The following USP6NL variants were observed in gnomAD, a reference collection of about 807,000 sequenced individuals.
USP6NL encodes the protein USP6 N-terminal like.
A neutral mutation model predicts 61.9 loss-of-function variants in USP6NL; 26 were observed. The ratio of observed to expected loss-of-function variants is 0.42; its 90% CI spans 0.31 to 0.58. USP6NL has a LOEUF of 0.58. USP6NL is among the 20% of genes least tolerant of loss of function. The probability of loss-of-function intolerance (pLI) is 0.16; values close to 1 mark genes in which losing one functional copy is unlikely to be tolerated. For synonymous variants in USP6NL, 432 were observed against 390.1 expected, an observed-to-expected ratio of 1.11 and a Z score of -1.27; for missense variants, 1,114 against 1,034.3, an observed-to-expected ratio of 1.08 and a Z score of -1.06.
intron 2 of USP6NL, among the ~76,000 whole-genome samples, chr10:11,576,321 C>T (rs1319350727): frequency 6.6e-6 from 1 of 152,204 alleles, no homozygotes; most frequent in African/African-American, 2.4e-5. Flanking sequence ...TGGATCTTCT[C>T]ACTTCAGTAT....
intron 2 of USP6NL, among the ~76,000 whole-genome samples, chr10:11,555,326 A>C (rs1274836248): frequency 6.8e-6 from 1 of 147,766 alleles, no homozygotes; most frequent in Non-Finnish European, 1.5e-5. Flanking sequence ...GAGGCAGAAG[A>C]ATAGACTGAA....
intron 6 of USP6NL, among the ~76,000 whole-genome samples, chr10:11,501,641 C>A (rs570454965): frequency 1.3e-5 from 2 of 152,266 alleles, no homozygotes; most frequent in South Asian, 2.1e-4. Context: ...CCCAAAATAT[C>A]CTCATGGATT....
Position 11,548,260 on chromosome 10 carries a change from A to G in USP6NL, c.5-20693T>C, listed in dbSNP as rs1836356524. Among the ~76,000 whole-genome samples, 1 of 152,208 alleles carries G rather than the reference A, an allele frequency of 6.6e-6. No individual in the cohort carries two copies. Among genetic ancestry groups the G allele is most frequent in the Non-Finnish European group, 1.5e-5 (1 of 68,034 alleles). ...AGTCCCCTTTGAAATTTGATGCCCCAAATTCAACATGATACCCCGGAAAAG... is the reference window on the plus strand; with the variant it reads ...AGTCCCCTTTGAAATTTGATGCCCCGAATTCAACATGATACCCCGGAAAAG... On this transcript the variant is annotated intron_variant, in intron 2 of 14. Transcript: ENST00000609104. The surrounding 1 kb of genome is among the most constrained non-coding windows in gnomAD (Gnocchi z 4.3).
At chr10:11,521,320 T>C (rs546088538) in intron 4 of USP6NL, among the ~76,000 whole-genome samples, 6 of 147,364 alleles carry the variant, frequency 4.1e-5, no homozygotes, top group African/African-American at 1.5e-4. Flanking sequence ...ATATTTTTAT[T>C]ATATATAAAA....
chr10:11,506,440 G>A (rs867089702), intron 6 of USP6NL, among the ~76,000 whole-genome samples: 3 of 152,030 alleles, frequency 2.0e-5, no homozygotes, highest in African/African-American at 7.3e-5. Flanking sequence ...CCAGGAATTC[G>A]AGACCAGCCT....
chr10:11,570,220 T>A (rs1342590942), intron 2 of USP6NL, among the ~76,000 whole-genome samples: 4 of 152,232 alleles, frequency 2.6e-5, no homozygotes, highest in Non-Finnish European at 5.9e-5. Flanking sequence ...TCTATTATAA[T>A]GCCTGTCATA....
In USP6NL at chr10:11,555,449, T is replaced by TAGAG. The variant is rs1167547855; in HGVS notation, c.5-27883_5-27882insCTCT. Among the ~76,000 whole-genome samples the TAGAG allele has an allele frequency of 1.1e-3, 82 of 73,116 alleles. No individual in the cohort carries two copies. In the East Asian group the frequency reaches 0.021, roughly 19 times the overall value. The allele number at this position is 73,116 out of a possible 152,430, so 48.0% of individuals were successfully genotyped here. On this transcript the variant is annotated intron_variant, in intron 2 of 14. Coordinates refer to ENST00000609104, the MANE Select transcript of USP6NL (RefSeq NM_014688.5). ...AAAAAAAAAAATATATATATATATA[T>TAGAG]ATAGAGAGAGAGAGAGAGAGAAAGA...
At chr10:11,466,913 A>G (rs1225388081) in intron 14 of USP6NL, among the ~76,000 whole-genome samples, 4 of 152,264 alleles carry the variant, frequency 2.6e-5, no homozygotes, top group Non-Finnish European at 5.9e-5. Context: ...TCACAGGGCC[A>G]GCATTCTATA....
chr10:11,537,116 T>C lies in USP6NL; in HGVS notation c.5-9549A>G, dbSNP rs1009973399. On this transcript the variant is annotated intron_variant, in intron 2 of 14. Transcript: ENST00000609104. The surrounding 1 kb of genome is among the most constrained non-coding windows in gnomAD (Gnocchi z 5.1). ...TCCTCCAGGTTTTGTTTTTGGGGGA[T>C]TTTGTTTGTTTTGAGACAAGGTCTC... Among the ~76,000 whole-genome samples, 12 of 150,284 alleles carry C rather than the reference T, an allele frequency of 8.0e-5. No individual in the cohort carries two copies. Among genetic ancestry groups the C allele is most frequent in the African/African-American group, 2.9e-4 (12 of 41,470 alleles).
Position 11,476,996 on chromosome 10 carries a change from C to T in USP6NL, c.1078+4774G>A, listed in dbSNP as rs907478502. Among the ~76,000 whole-genome samples the T allele has an allele frequency of 6.6e-6, 1 of 152,154 alleles. No individual in the cohort carries two copies. The highest frequency in any genetic ancestry group is 1.5e-5 in the Non-Finnish European group (1 of 68,028). On this transcript the variant is annotated intron_variant, in intron 14 of 14. Transcript: ENST00000609104. The surrounding 1 kb of genome is among the most constrained non-coding windows in gnomAD (Gnocchi z 4.3). ...AAGCAATCCTCCTGCCTCAGCCTCCCGAGTAGTTGGGATTACAGGCACCTG... is the reference window on the plus strand; with the variant it reads ...AAGCAATCCTCCTGCCTCAGCCTCCTGAGTAGTTGGGATTACAGGCACCTG...
intron 2 of USP6NL, among the ~76,000 whole-genome samples, chr10:11,568,846 T>C (rs1467327717): frequency 6.6e-6 from 1 of 152,200 alleles, no homozygotes; most frequent in Non-Finnish European, 1.5e-5. Context: ...AGGTGACAAC[T>C]GTCTCAGAAG....
chr10:11,532,229 T>G lies in USP6NL; in HGVS notation c.5-4662A>C. ...TGGGAATTAACAACAGCTTCAGTCC[T>G]CATAGAGTAACTTATCTATTCCAAG... is the stretch of plus-strand genomic sequence containing the variant. On this transcript the variant is annotated intron_variant, in intron 2 of 14. Transcript: ENST00000609104. The surrounding 1 kb of genome is among the most constrained non-coding windows in gnomAD (Gnocchi z 4.1). The G allele has an allele frequency of 6.2e-7, 1 of 1,602,302 alleles. No homozygotes were observed. Among genetic ancestry groups the G allele is most frequent in the Non-Finnish European group, 8.5e-7 (1 of 1,173,988 alleles).
chr10:11,599,284 T>C (rs1202766380), intron 1 of USP6NL, among the ~76,000 whole-genome samples: 2 of 152,234 alleles, frequency 1.3e-5, no homozygotes, highest in African/African-American at 4.8e-5. Flanking sequence ...AATTTATACT[T>C]GTAGAGTCTA....
rs534121826 is a variant in USP6NL at position 11,537,950 on chromosome 10, T to C, written c.5-10383A>G. 1.9e-4 allele frequency among the ~76,000 whole-genome samples: 29 copies of C among 152,322 alleles called. No individual in the cohort carries two copies. The South Asian group carries it at 4.6e-3, about 24-fold the overall frequency. ...AAAAGATCAACAGTGTCGATATAAT[T>C]GGTAGGTTGCTTGTTTTGTTTTTGT... On this transcript the variant is annotated intron_variant, in intron 2 of 14. Coordinates refer to ENST00000609104, the MANE Select transcript of USP6NL (RefSeq NM_014688.5). This position sits in a 1 kb window ranked among gnomAD's most constrained non-coding sequence, Gnocchi z 5.1.
At chr10:11,594,074 T>A (rs1838242393) in intron 2 of USP6NL, among the ~76,000 whole-genome samples, 2 of 152,200 alleles carry the variant, frequency 1.3e-5, no homozygotes, top group South Asian at 4.1e-4. Context: ...TATATTGCTA[T>A]TTTTTAGCCT....
chr10:11,548,680 T>C lies in USP6NL; in HGVS notation c.5-21113A>G, dbSNP rs1352989596. ...GACCCACTGGCAAAGACTTTCATTC[T>C]GATAAACATCAACAAATTAATTTAA... On this transcript the variant is annotated intron_variant, in intron 2 of 14. Transcript: ENST00000609104. The surrounding 1 kb of genome is among the most constrained non-coding windows in gnomAD (Gnocchi z 4.3). Among the ~76,000 whole-genome samples the C allele has an allele frequency of 1.3e-5, 2 of 152,206 alleles. No homozygotes were observed. Among genetic ancestry groups the C allele is most frequent in the African/African-American group, 4.8e-5 (2 of 41,458 alleles).
At position 11,493,207 on chromosome 10, in the gene USP6NL, C is replaced by A. The variant is rs747520907; in HGVS notation, c.406G>T (p.Gly136Cys). The change falls in exon 8 of 15, where the codon GGC becomes TGC. Residue 136 changes from glycine to cysteine, a missense_variant. Gly to Cys is a radical substitution (Grantham distance 159). Coordinates refer to ENST00000609104, the MANE Select transcript of USP6NL (RefSeq NM_014688.5). ...LYSKLKHRAR[G>C]CSPDIRQIDL... ...ATTTGTCTGATGTCAGGTGAACAGCCCCGTGCTCTGTGTTTTAATTTCTGA... is the reference window on the plus strand; with the variant it reads ...ATTTGTCTGATGTCAGGTGAACAGCACCGTGCTCTGTGTTTTAATTTCTGA... 3.1e-6 allele frequency: 5 copies of A among 1,610,814 alleles called. No homozygotes were observed. The highest frequency in any genetic ancestry group is 4.2e-6 in the Non-Finnish European group (5 of 1,178,398).
chr10:11,562,874 T>A lies in USP6NL; in HGVS notation c.4+34757A>T. On this transcript the variant is annotated intron_variant, in intron 2 of 14. Coordinates refer to ENST00000609104, the MANE Select transcript of USP6NL (RefSeq NM_014688.5). The surrounding 1 kb of genome is among the most constrained non-coding windows in gnomAD (Gnocchi z 4.8). The stretch of plus-strand genomic sequence containing the variant: ...TGGTAGTTTCTTGAAAAAGTAGACA[T>A]CCACTTACCATGCAATCTATGAATC... 1.4e-6 allele frequency: 1 copy of A among 692,300 alleles called. No individual in the cohort carries two copies. The highest frequency in any genetic ancestry group is 1.8e-6 in the Non-Finnish European group (1 of 562,718). 42.9% of individuals were successfully genotyped at this position (692,300 alleles called of 1,614,324 possible). A position where few individuals can be genotyped will look rare whatever the true frequency, so the allele number is the denominator to read the frequency against.
At chr10:11,497,674 CG>C (rs1833996707) in intron 7 of USP6NL, among the ~76,000 whole-genome samples, 2 of 151,846 alleles carry the variant, frequency 1.3e-5, no homozygotes. Context: ...AAGAAAAGCC[CG>C]GGTAAGTATG....
Sources: allele counts gnomAD v4.1 joint callset (sites outside exome capture counted in the v4.1 genomes callset), GRCh38; gene constraint gnomAD v4.1.1; non-coding constraint Gnocchi (gnomAD v3.1); transcripts MANE v1.5; gene names NCBI Gene and HGNC (gene_info 2026-07-23, HGNC 2026-07-21).